Variants in MYBL2 observed in about 807,000 individuals in gnomAD.
The protein encoded by MYBL2 is myb-related protein B.
MYBL2 carries 28 observed loss-of-function variants against 79.9 expected under a neutral mutation model. The observed-to-expected ratio is 0.35, with a 90% CI of 0.26 to 0.48. The LOEUF (loss-of-function observed/expected upper bound fraction) is 0.48. Among genes scored for constraint, MYBL2 ranks in the 20% least tolerant of loss-of-function variants. MYBL2 has a pLI of 0.99. For missense variants in MYBL2, 735 were observed against 893.9 expected, an observed-to-expected ratio of 0.82 and a Z score of 2.27; for synonymous variants, 378 against 361.2, an observed-to-expected ratio of 1.05 and a Z score of -0.53.
chr20:43,667,314 C>T lies in MYBL2; in HGVS notation c.20+11C>T. On this transcript the variant is annotated intron_variant, in intron 1 of 13. Transcript: ENST00000217026. ...TCGGCGGACGCGCTGGTGAGACGAG[C>T]CGGGAGGGCTTGGGCCCCTCCCCCT... 3.3e-6 allele frequency: 4 copies of T among 1,230,100 alleles called. No homozygotes were observed. Among genetic ancestry groups the T allele is most frequent in the Non-Finnish European group, 4.1e-6 (4 of 985,336 alleles). The allele number at this position is 1,230,100 out of a possible 1,614,324, so 76.2% of individuals were successfully genotyped here. A position where few individuals can be genotyped will look rare whatever the true frequency, so the allele number is the denominator to read the frequency against.
intron 1 of MYBL2, among the ~76,000 whole-genome samples, chr20:43,669,539 C>A (rs1341823603): frequency 3.3e-5 from 5 of 152,202 alleles, no homozygotes; most frequent in African/African-American, 1.2e-4. Flanking sequence ...CAGAGCCCAG[C>A]ACGTTGAAGG....
In MYBL2 at chr20:43,715,258, G is replaced by T. The variant is rs200657309; in HGVS notation, c.1949G>T (p.Arg650Leu). 7.4e-6 allele frequency: 12 copies of T among 1,614,058 alleles called. No homozygotes were observed. Among genetic ancestry groups the T allele is most frequent in the Non-Finnish European group, 1.0e-5 (12 of 1,180,032 alleles). The change falls in exon 13 of 14, where the codon CGA becomes CTA. Residue 650 changes from arginine (R) to leucine (L), a missense_variant. Coordinates refer to ENST00000217026, the MANE Select transcript of MYBL2 (RefSeq NM_002466.4). ...PEKAAVAQKPRSHFTTPAPMS... is the reference protein window; with the variant it reads ...PEKAAVAQKPLSHFTTPAPMS... ...AAGGCAGCAGTGGCCCAGAAGCCCC[G>T]AAGCCACTTCACGACACCTGCCCCT...
intron 1 of MYBL2, among the ~76,000 whole-genome samples, 159 bp downstream of exon 1, chr20:43,667,462 C>T (rs1036773756): frequency 1.3e-5 from 2 of 152,134 alleles, no homozygotes; most frequent in African/African-American, 4.8e-5. Flanking sequence ...CCTGGGCCCT[C>T]TGAGGCAGGG....
At chr20:43,687,228 A>T (rs1185330028) in intron 5 of MYBL2, among the ~76,000 whole-genome samples, 156 bp downstream of exon 5, 2 of 152,160 alleles carry the variant, frequency 1.3e-5, no homozygotes, top group African/African-American at 4.8e-5. Context: ...CATAGTCAGG[A>T]GGAAGGGTGG....
chr20:43,689,110 C>T (rs1987348193), intron 5 of MYBL2, among the ~76,000 whole-genome samples: 1 of 152,104 alleles, frequency 6.6e-6, no homozygotes, highest in African/African-American at 2.4e-5. Context: ...ATATTGTTCC[C>T]CTGTTTTCCA....
At chr20:43,672,959 T>G (rs936817970) in intron 1 of MYBL2, among the ~76,000 whole-genome samples, 1 of 152,288 alleles carries the variant, frequency 6.6e-6, no homozygotes, top group Non-Finnish European at 1.5e-5. Flanking sequence ...TCCTTTTCTT[T>G]TTTTGAGACA....
intron 13 of MYBL2, among the ~76,000 whole-genome samples, chr20:43,715,660 C>T (rs1181310976): frequency 6.6e-6 from 1 of 152,146 alleles, no homozygotes; most frequent in African/African-American, 2.4e-5. Context: ...GGCTGCTGAC[C>T]CGTCTCACTG....
rs149929445 is a variant in MYBL2 at position 43,716,043 on chromosome 20, C to T, written c.2059C>T (p.Arg687Cys). Residue 687 changes from arginine to cysteine, a missense_variant, in exon 14 of 14, where the codon CGC becomes TGC. Arg to Cys is a radical substitution (Grantham distance 180). Transcript: ENST00000217026. ...MQEKARQLLG[R>C]LKPSHTSRTL... ...GGAGAAAGCCCGGCAGCTCCTGGGCCGCCTGAAGCCCAGCCACACATCTCG... is the reference window on the plus strand; with the variant it reads ...GGAGAAAGCCCGGCAGCTCCTGGGCTGCCTGAAGCCCAGCCACACATCTCG... 8.9e-5 allele frequency: 144 copies of T among 1,610,788 alleles called. 1 individual carries two copies. The highest frequency in any genetic ancestry group is 3.1e-4 in the African/African-American group (23 of 74,986).
chr20:43,673,726 C>G, intron 1 of MYBL2, 80 bp from the exon 2 acceptor site: 1 of 1,375,648 alleles, frequency 7.3e-7, no homozygotes, highest in Non-Finnish European at 1.0e-6. Context: ...CTAGGGTGGG[C>G]TGGCCGCTGC....
chr20:43,673,530 A>G (rs113903244), intron 1 of MYBL2: 127 of 466,708 alleles, frequency 2.7e-4, no homozygotes, highest in African/African-American at 2.4e-3. Context: ...ACAGCTACTT[A>G]GGAGGCTGGG....
At chr20:43,707,181 GTTT>G (rs3091888) in intron 9 of MYBL2, among the ~76,000 whole-genome samples, 1 of 140,714 alleles carries the variant, frequency 7.1e-6, no homozygotes, top group African/African-American at 2.6e-5. Flanking sequence ...TCTCTTTCTA[GTTT>G]TTTTTTTTTT....
At chr20:43,704,200 G>C (rs1987731057) in intron 8 of MYBL2, among the ~76,000 whole-genome samples, 1 of 152,092 alleles carries the variant, frequency 6.6e-6, no homozygotes, top group African/African-American at 2.4e-5. Context: ...ATTTTTAGTA[G>C]AGACAGGGTT....
At chr20:43,675,123 G>A (rs553839173) in intron 2 of MYBL2, among the ~76,000 whole-genome samples, 3 of 152,044 alleles carry the variant, frequency 2.0e-5, no homozygotes, top group African/African-American at 7.2e-5. Flanking sequence ...GGAACCACAG[G>A]CATGCGCCAC....
At chr20:43,711,353 A>G (rs1366105559) in intron 10 of MYBL2, 135 bp from the exon 11 acceptor site, 3 of 631,724 alleles carry the variant, frequency 4.7e-6, no homozygotes, top group Non-Finnish European at 5.7e-6. Context: ...TGCGTGTGAG[A>G]TCTGCATCCT....
Position 43,702,582 on chromosome 20 carries a change from A to C in MYBL2, c.1044A>C (p.Gln348His), listed in dbSNP as rs1364381877. Residue 348 changes from glutamine (Q) to histidine (H), a missense_variant, in exon 8 of 14, where the codon CAA (glutamine) becomes CAC (histidine). Gln to His is a conservative substitution (Grantham distance 24). Coordinates refer to ENST00000217026, the MANE Select transcript of MYBL2 (RefSeq NM_002466.4). Reference protein sequence around the residue: ...DSINNSLVQLQASHQQQVLPP... With the variant: ...DSINNSLVQLHASHQQQVLPP... ...TCAACAACAGCCTAGTGCAGCTGCA[A>C]GCGTCACATCAGCAGCAAGTCCTGC... is the stretch of plus-strand genomic sequence containing the variant. 6.2e-7 allele frequency: 1 copy of C among 1,614,194 alleles called. No homozygotes were observed. The highest frequency in any genetic ancestry group is 8.5e-7 in the Non-Finnish European group (1 of 1,180,040).
Position 43,702,491 on chromosome 20 carries a change from A to G in MYBL2, c.953A>G (p.Asp318Gly). 2 of 1,595,154 alleles carry G rather than the reference A, an allele frequency of 1.3e-6. No homozygotes were observed. Among genetic ancestry groups the G allele is most frequent in the Non-Finnish European group, 1.7e-6 (2 of 1,165,076 alleles). ...LSEALDLIES[D>G]PDAWCDLSKF... ...TTCCTAACCTCCCTCCCTGGACAGG[A>G]CCCTGATGCTTGGTGTGACCTGAGT... The change falls in exon 8 of 14, where the codon GAC becomes GGC. Residue 318 changes from aspartate to glycine, a missense_variant and splice_region_variant. Physicochemically the swap from Asp to Gly is moderately conservative, Grantham distance 94. This residue lies in a region of MYBL2 where 243 missense variants were observed against 327.2 expected (regional missense o/e 0.74). Transcript: ENST00000217026.
intron 2 of MYBL2, among the ~76,000 whole-genome samples, chr20:43,676,273 C>T (rs1448180545): frequency 1.3e-5 from 2 of 150,758 alleles, no homozygotes; most frequent in Non-Finnish European, 3.0e-5. Context: ...CCTCCTCCCA[C>T]CCTCCACCCT....
rs1987033256 is a variant in MYBL2, at chr20:43,677,220, G to A, written c.114+3321G>A. Among the ~76,000 whole-genome samples the A allele has an allele frequency of 2.0e-5, 3 of 152,206 alleles. No individual in the cohort carries two copies. In the South Asian group the frequency reaches 6.2e-4, roughly 31 times the overall value. ...AACAAGACCAAGTTCCTACCCCAGA[G>A]CAGATTTCTCTCTGGAATGGAGAGA... On this transcript the variant is annotated intron_variant, in intron 2 of 13. Coordinates refer to ENST00000217026, the MANE Select transcript of MYBL2 (RefSeq NM_002466.4).
intron 2 of MYBL2, among the ~76,000 whole-genome samples, chr20:43,678,166 G>C (rs187305946): frequency 6.6e-6 from 1 of 152,002 alleles, no homozygotes; most frequent in East Asian, 1.9e-4. Context: ...CAAACACTGC[G>C]GAAGGCCGCA....
Sources: allele counts gnomAD v4.1 joint callset (sites outside exome capture counted in the v4.1 genomes callset), GRCh38; gene constraint gnomAD v4.1.1; regional missense constraint gnomAD v4.1.1; transcripts MANE v1.5; gene names NCBI Gene and HGNC (gene_info 2026-07-23, HGNC 2026-07-21).